The following AAMDC variants were observed in gnomAD, a reference collection of about 807,000 sequenced individuals.
AAMDC encodes mth938 domain-containing protein.
A neutral mutation model predicts 15.5 loss-of-function variants in AAMDC; 16 were observed. The ratio of observed to expected loss-of-function variants is 1.03; its 90% CI spans 0.70 to 1.57. The LOEUF is 1.57. AAMDC is among the 40% of genes most tolerant of loss of function. AAMDC has a pLI of 0.00. For missense variants in AAMDC, 141 were observed against 144.9 expected (o/e 0.97, Z 0.14); for synonymous variants, 51 against 51.6 (o/e 0.99, Z 0.05).
At chr11:77,830,776 G>C (rs1949386272) in intron 1 of AAMDC, among the ~76,000 whole-genome samples, 1 of 151,832 alleles carries the variant, frequency 6.6e-6, no homozygotes, top group South Asian at 2.1e-4. Context: ...TATACAAATA[G>C]CCAACAAGCA....
intron 5 of AAMDC, among the ~76,000 whole-genome samples, chr11:77,879,686 A>T (rs1017393905): frequency 6.6e-6 from 1 of 152,204 alleles, no homozygotes; most frequent in African/African-American, 2.4e-5. Context: ...CTTACGATAT[A>T]ATCATCTAGT....
chr11:77,866,506 C>T (rs1047210819), intron 2 of AAMDC: 1 of 152,170 alleles, frequency 6.6e-6, no homozygotes, highest in Non-Finnish European at 1.5e-5. Flanking sequence ...TTGCTTTGTA[C>T]ATGACACTGT....
Position 77,833,005 on chromosome 11 carries a change from A to ATT in AAMDC, c.-18-9473_-18-9472insTT, listed in dbSNP as rs1223511206. On this transcript the variant is annotated intron_variant, in intron 1 of 3. Transcript: ENST00000393427. Reference sequence around the variant, plus strand: ...TGTGTGTGTGTGTGTGTGTATATATATATATTTTTTTTTTTTTTTTTTTTG... The same window carrying ATT: ...TGTGTGTGTGTGTGTGTGTATATATATTTATATTTTTTTTTTTTTTTTTTTTG... Among the ~76,000 whole-genome samples the ATT allele has an allele frequency of 3.2e-4, 21 of 65,750 alleles. 2 individuals are homozygous for ATT. The highest frequency in any genetic ancestry group is 1.3e-3 in the African/African-American group (17 of 13,112). The allele number at this position is 65,750 out of a possible 152,430, so 43.1% of individuals were successfully genotyped here. A position where few individuals can be genotyped will look rare whatever the true frequency, so the allele number is the denominator to read the frequency against.
chr11:77,840,851 T>C (rs995284419), intron 1 of AAMDC, among the ~76,000 whole-genome samples: 1 of 152,200 alleles, frequency 6.6e-6, no homozygotes, highest in Non-Finnish European at 1.5e-5. Context: ...AAACAACTTT[T>C]CCCCCTGAAA....
intron 1 of AAMDC, among the ~76,000 whole-genome samples, chr11:77,836,430 G>A (rs1949684886): frequency 1.3e-5 from 2 of 152,084 alleles, no homozygotes; most frequent in Admixed American, 1.3e-4. Flanking sequence ...TGAGAAAACA[G>A]CAAAAGGCAT....
downstream of AAMDC, chr11:77,903,629 A>C: frequency 6.2e-7 from 1 of 1,610,368 alleles, no homozygotes; most frequent in Non-Finnish European, 8.5e-7. Flanking sequence ...GCCTACGCAG[A>C]CAAATCAGGA....
rs189423898 is a variant in AAMDC, at chr11:77,864,751, G to A, written c.133-4971G>A. Among the ~76,000 whole-genome samples the A allele has an allele frequency of 7.7e-3, 1,168 of 152,250 alleles. 13 individuals are homozygous for A. Among genetic ancestry groups the A allele is most frequent in the African/African-American group, 0.026 (1,076 of 41,542 alleles). On this transcript the variant is annotated intron_variant, in intron 2 of 3. Transcript: ENST00000393427. ...CTCAACACGTTGGGAGACCAAGATGGGAGGATTGTTTGAGCCTAGGAGTTC... is the reference window on the plus strand; with the variant it reads ...CTCAACACGTTGGGAGACCAAGATGAGAGGATTGTTTGAGCCTAGGAGTTC...
chr11:77,841,202 C>T (rs1431895253), intron 1 of AAMDC: 7 of 702,294 alleles, frequency 1.0e-5, no homozygotes, highest in South Asian at 5.9e-5. Flanking sequence ...GTGGAACCCT[C>T]ATGGCCTAAT....
At chr11:77,859,600 G>A (rs1327747746) in intron 2 of AAMDC, among the ~76,000 whole-genome samples, 1 of 152,186 alleles carries the variant, frequency 6.6e-6, no homozygotes, top group Admixed American at 6.5e-5. Context: ...CCTGGAGTGA[G>A]GGGATTACTT....
chr11:77,831,104 C>T (rs1246167178), intron 1 of AAMDC, among the ~76,000 whole-genome samples: 1 of 151,588 alleles, frequency 6.6e-6, no homozygotes, highest in Non-Finnish European at 1.5e-5. Flanking sequence ...GTAATCATGT[C>T]ACAGCATTCC....
chr11:77,872,113 C>T, intron 3 of AAMDC, 62 bp from the exon 4 acceptor site: 1 of 1,542,830 alleles, frequency 6.5e-7, no homozygotes, highest in East Asian at 2.3e-5. Context: ...TGCCTCATGG[C>T]AGTAAAGGAA....
At chr11:77,823,898 G>A (rs1949052431) in intron 1 of AAMDC, among the ~76,000 whole-genome samples, 1 of 151,618 alleles carries the variant, frequency 6.6e-6, no homozygotes, top group Non-Finnish European at 1.5e-5. Flanking sequence ...ATTCCAGTGA[G>A]GTTGTGAAAT....
intron 1 of AAMDC, among the ~76,000 whole-genome samples, chr11:77,825,395 T>C (rs35711367): frequency 0.39 from 59,664 of 151,970 alleles, 12,198 homozygotes; most frequent in African/African-American, 0.49. Context: ...ATTAGGTTTA[T>C]CTAAAACTCA....
chr11:77,849,303 C>G (rs1350446276), intron 2 of AAMDC, among the ~76,000 whole-genome samples: 1 of 152,062 alleles, frequency 6.6e-6, no homozygotes, highest in Admixed American at 6.5e-5. Flanking sequence ...CTCACTGCAA[C>G]CTCTGACTCC....
At chr11:77,885,067 A>G (rs1951945546) in intron 5 of AAMDC, among the ~76,000 whole-genome samples, 1 of 151,426 alleles carries the variant, frequency 6.6e-6, no homozygotes, top group Non-Finnish European at 1.5e-5. Context: ...GCCTACCCTT[A>G]TTTCTTTTTC....
intron 2 of AAMDC, chr11:77,869,300 TTA>T (rs1471187228): frequency 3.9e-4 from 63 of 162,166 alleles, no homozygotes; most frequent in Non-Finnish European, 7.3e-4. Context: ...TTTCGTTTAT[TTA>T]TCTCTTTTTC....
intron 5 of AAMDC, among the ~76,000 whole-genome samples, chr11:77,891,151 C>A (rs1952244684): frequency 1.3e-5 from 2 of 152,154 alleles, no homozygotes; most frequent in African/African-American, 2.4e-5. Flanking sequence ...TGCTCCAAAC[C>A]ACACTCAGCA....
chr11:77,832,949 A>ATG (rs1285153891), intron 1 of AAMDC, among the ~76,000 whole-genome samples: 21 of 96,320 alleles, frequency 2.2e-4, no homozygotes, highest in South Asian at 9.5e-4. Flanking sequence ...TTGTATATAT[A>ATG]TATGTGTGTG....
intron 2 of AAMDC, among the ~76,000 whole-genome samples, chr11:77,865,286 TTCTC>T (rs1199293389): frequency 6.6e-6 from 1 of 152,220 alleles, no homozygotes; most frequent in Non-Finnish European, 1.5e-5. Context: ...AGAAGTGTCT[TTCTC>T]TCATAAATTA....
Sources: allele counts gnomAD v4.1 joint callset (sites outside exome capture counted in the v4.1 genomes callset), GRCh38; gene constraint gnomAD v4.1.1; transcripts MANE v1.5; gene names NCBI Gene and HGNC (gene_info 2026-07-23, HGNC 2026-07-21).